The following USP5 variants were observed in gnomAD, a reference collection of about 807,000 sequenced individuals.
USP5 encodes the protein ubiquitin specific peptidase 5, also known as ubiquitin carboxyl-terminal hydrolase 5.
A neutral mutation model predicts 102.5 loss-of-function variants in USP5; 24 were observed. That is an observed-to-expected ratio of 0.23 (90% CI 0.17 to 0.33). The LOEUF is 0.33. Among genes scored for constraint, USP5 ranks in the 10% least tolerant of loss-of-function variants. The pLI, the probability that USP5 is intolerant of heterozygous loss-of-function variation, is 1.00. For synonymous variants in USP5, 460 were observed against 434.8 expected, an observed-to-expected ratio of 1.06 and a Z score of -0.72; for missense variants, 753 against 1,122.1, an observed-to-expected ratio of 0.67 and a Z score of 4.70.
rs1944156404 is a variant in USP5 at position 6,857,611 on chromosome 12, T to C, written c.770-18T>C. 6.2e-7 allele frequency: 1 copy of C among 1,610,670 alleles called. No homozygotes were observed. Among genetic ancestry groups the C allele is most frequent in the African/African-American group, 1.3e-5 (1 of 74,818 alleles). On this transcript the variant is annotated intron_variant, in intron 6 of 19. Transcript: ENST00000229268. ...CCTGAGCCACTTCCCCTGATTCTCT[T>C]CCTGCCTCCTGCTCTAGACGTGTAC...
In USP5 at chr12:6,856,821, T is replaced by C; in HGVS notation, c.699T>C (p.Ala233=). ...YFDGSGGNNH[A]VEHYRETGYP... is the part of the protein sequence containing the mutation. ...ATGGCAGTGGGGGCAACAACCACGCTGTGGAGCACTACCGAGAGACAGGCT... is the reference window on the plus strand; with the variant it reads ...ATGGCAGTGGGGGCAACAACCACGCCGTGGAGCACTACCGAGAGACAGGCT... Residue 233 remains alanine (A), a synonymous_variant, in exon 6 of 20, where the codon GCT becomes GCC. Transcript: ENST00000229268. This position sits in a 1 kb window ranked among gnomAD's most constrained non-coding sequence, Gnocchi z 5.6. 6.2e-7 allele frequency: 1 copy of C among 1,614,134 alleles called. No individual in the cohort carries two copies. Among genetic ancestry groups the C allele is most frequent in the Non-Finnish European group, 8.5e-7 (1 of 1,180,012 alleles).
rs1324255675 is a variant in USP5, at chr12:6,858,890, T to C, written c.1058+273T>C. On this transcript the variant is annotated intron_variant, in intron 8 of 19. Transcript: ENST00000229268. The surrounding 1 kb of genome is among the most constrained non-coding windows in gnomAD (Gnocchi z 4.2). ...AAAAAGAATAATTCCTGTCACACTCTGGCTGACATGCTGTGAGGGGAGCAA... is the reference window on the plus strand; with the variant it reads ...AAAAAGAATAATTCCTGTCACACTCCGGCTGACATGCTGTGAGGGGAGCAA... 8 of 303,596 alleles carry C rather than the reference T, an allele frequency of 2.6e-5. No individual in the cohort carries two copies. The highest frequency in any genetic ancestry group is 5.1e-5 in the Non-Finnish European group (8 of 157,158). The allele number at this position is 303,596 out of a possible 1,614,324, so 18.8% of individuals were successfully genotyped here. A position where few individuals can be genotyped will look rare whatever the true frequency, so the allele number is the denominator to read the frequency against.
rs1944351802 is a variant in USP5, at chr12:6,863,957, A to C, written c.2082A>C (p.Ser694=). 1.3e-6 allele frequency: 2 copies of C among 1,597,710 alleles called. No individual in the cohort carries two copies. Residue 694 remains serine (S), a synonymous_variant, in exon 16 of 20, where the codon TCA becomes TCC. Coordinates refer to ENST00000229268, the MANE Select transcript of USP5 (RefSeq NM_001098536.2). This position sits in a 1 kb window ranked among gnomAD's most constrained non-coding sequence, Gnocchi z 4.7. The part of the protein sequence containing the change: ...GAEAAMNWVM[S]HMDDPDFANP... ...AGGCCGCCATGAACTGGGTCATGTC[A>C]CACATGGATGATCCAGGTAGGCTGG...
chr12:6,864,655 C>T lies in USP5; in HGVS notation c.2245-67C>T, dbSNP rs1200186271. The T allele has an allele frequency of 2.6e-6, 4 of 1,544,074 alleles. No homozygotes were observed. The highest frequency in any genetic ancestry group is 2.7e-5 in the African/African-American group (2 of 74,000). ...AGTGAGCCGAGATCGCGCCACTGCA[C>T]TCCAGCCTGGGCGACAGAGCAAGAC... On this transcript the variant is annotated intron_variant, in intron 17 of 19. Coordinates refer to ENST00000229268, the MANE Select transcript of USP5 (RefSeq NM_001098536.2). The surrounding 1 kb of genome is among the most constrained non-coding windows in gnomAD (Gnocchi z 4.8).
rs1555129218 is a variant in USP5, at chr12:6,860,195, C to T, written c.1175C>T (p.Pro392Leu). 3 of 1,607,990 alleles carry T rather than the reference C, an allele frequency of 1.9e-6. No individual in the cohort carries two copies. The highest frequency in any genetic ancestry group is 2.5e-6 in the Non-Finnish European group (3 of 1,178,346). ...HGLLSGEYSK[P>L]VPESGDGERV... is the part of the protein sequence containing the mutation. Reference sequence around the variant, plus strand: ...CTTCTCTCCGGGGAGTATTCCAAGCCAGTACCGGAGTCGGGCGATGGGGAG... The same window carrying T: ...CTTCTCTCCGGGGAGTATTCCAAGCTAGTACCGGAGTCGGGCGATGGGGAG... Residue 392 changes from proline to leucine, a missense_variant, in exon 10 of 20, where the codon CCA (proline) becomes CTA (leucine). Physicochemically the swap from Pro to Leu is moderately conservative, Grantham distance 98 (BLOSUM62 -3). Around this residue, in one of 3 missense-constraint regions of USP5, gnomAD observed 527 missense variants for 816.5 expected, o/e 0.65. Coordinates refer to ENST00000229268, the MANE Select transcript of USP5 (RefSeq NM_001098536.2). The surrounding 1 kb of genome is among the most constrained non-coding windows in gnomAD (Gnocchi z 5.5).
In USP5 at chr12:6,856,476, G is replaced by A. The variant is rs1555128336; in HGVS notation, c.584+26G>A. On this transcript the variant is annotated intron_variant, in intron 5 of 19. Coordinates refer to ENST00000229268, the MANE Select transcript of USP5 (RefSeq NM_001098536.2). The surrounding 1 kb of genome is among the most constrained non-coding windows in gnomAD (Gnocchi z 5.6). ...GTGAGGCCTGGCCCCTCTGCCTCGGGCACCACCCCCAGAGCAAGGACAAGG... is the reference window on the plus strand; with the variant it reads ...GTGAGGCCTGGCCCCTCTGCCTCGGACACCACCCCCAGAGCAAGGACAAGG... 1.3e-6 allele frequency: 2 copies of A among 1,590,398 alleles called. No homozygotes were observed. The highest frequency in any genetic ancestry group is 1.7e-6 in the Non-Finnish European group (2 of 1,167,300).
chr12:6,866,325 T>TC lies in USP5; in HGVS notation c.*252dup. The TC allele has an allele frequency of 2.1e-6, 1 of 478,116 alleles. No homozygotes were observed. The highest frequency in any genetic ancestry group is 3.8e-6 in the Non-Finnish European group (1 of 262,462). 29.6% of individuals were successfully genotyped at this position (478,116 alleles called of 1,614,324 possible). ...CTGTCTGTAAGGAGACTTTGTTGCT[T>TC]CCCCTGCCCCCGGAATCCACAGTGC... On this transcript the variant is annotated 3_prime_UTR_variant, in exon 20 of 20. Coordinates refer to ENST00000229268, the MANE Select transcript of USP5 (RefSeq NM_001098536.2). This position sits in a 1 kb window ranked among gnomAD's most constrained non-coding sequence, Gnocchi z 4.7.
At position 6,856,319 on chromosome 12, in the gene USP5, G is replaced by A. The variant is rs782031903; in HGVS notation, c.453G>A (p.Val151=). ...DIVRDRVTSA[V]EALLSADSAS... is the part of the protein sequence containing the mutation. ...GCTTCCCCCAGGTGACCAGTGCAGTGGAGGCCCTACTGTCGGCCGACTCAG... is the reference window on the plus strand; with the variant it reads ...GCTTCCCCCAGGTGACCAGTGCAGTAGAGGCCCTACTGTCGGCCGACTCAG... The change falls in exon 5 of 20, where the codon GTG becomes GTA. Residue 151 remains valine, a synonymous_variant. Transcript: ENST00000229268. This position sits in a 1 kb window ranked among gnomAD's most constrained non-coding sequence, Gnocchi z 5.6. 1.9e-5 allele frequency: 31 copies of A among 1,613,272 alleles called. No individual in the cohort carries two copies. In the Admixed American group the frequency reaches 2.8e-4, roughly 15 times the overall value.
chr12:6,862,414 C>G, intron 13 of USP5, 56 bp from the exon 14 acceptor site: 1 of 1,514,198 alleles, frequency 6.6e-7, no homozygotes, highest in African/African-American at 1.4e-5. Context: ...GTGGGAGTTT[C>G]AGGAGAGGAA....
Position 6,856,409 on chromosome 12 carries a change from C to T in USP5, c.543C>T (p.Phe181=). Residue 181 remains phenylalanine, a synonymous_variant, in exon 5 of 20, where the codon TTC becomes TTT. Coordinates refer to ENST00000229268, the MANE Select transcript of USP5 (RefSeq NM_001098536.2). This position sits in a 1 kb window ranked among gnomAD's most constrained non-coding sequence, Gnocchi z 5.6. ...TACGGCAGGTGTCTAAGCATGCCTTCAGCCTCAAGCAGTTGGACAACCCTG... is the reference window on the plus strand; with the variant it reads ...TACGGCAGGTGTCTAAGCATGCCTTTAGCCTCAAGCAGTTGGACAACCCTG... The part of the protein sequence containing the change: ...GEVRQVSKHA[F]SLKQLDNPAR... 1 of 1,613,788 alleles carries T rather than the reference C, an allele frequency of 6.2e-7. No individual in the cohort carries two copies.
At chr12:6,852,402 C>A in intron 1 of USP5, 112 bp downstream of exon 1, 4 of 1,070,768 alleles carry the variant, frequency 3.7e-6, no homozygotes, top group Non-Finnish European at 5.4e-6. Flanking sequence ...CACCATGGGA[C>A]TTGTAGTCTC....
intron 7 of USP5, 65 bp downstream of exon 7, chr12:6,857,788 C>T (rs781827269): frequency 6.6e-7 from 1 of 1,522,162 alleles, no homozygotes; most frequent in Non-Finnish European, 9.1e-7. Flanking sequence ...TCCTCTTTGC[C>T]TGAGGCTGAG....
Position 6,863,393 on chromosome 12 carries a change from T to TCCTG in USP5, c.1954+21_1954+24dup, listed in dbSNP as rs782233822. ...TCTCCGACATGTTAGTGACTCTTCT[T>TCCTG]CCTGCCTGTCTCTCTCCCGTGCTGA... On this transcript the variant is annotated intron_variant, in intron 15 of 19. Coordinates refer to ENST00000229268, the MANE Select transcript of USP5 (RefSeq NM_001098536.2). The surrounding 1 kb of genome is among the most constrained non-coding windows in gnomAD (Gnocchi z 4.7). 6.8e-6 allele frequency: 11 copies of TCCTG among 1,609,594 alleles called. No homozygotes were observed. Among genetic ancestry groups the TCCTG allele is most frequent in the Non-Finnish European group, 8.5e-6 (10 of 1,177,098 alleles).
Position 6,860,912 on chromosome 12 carries a change from C to T in USP5, c.1345-41C>T. 1 of 1,611,174 alleles carries T rather than the reference C, an allele frequency of 6.2e-7. No homozygotes were observed. The highest frequency in any genetic ancestry group is 8.5e-7 in the Non-Finnish European group (1 of 1,178,322). On this transcript the variant is annotated intron_variant, in intron 11 of 19. Coordinates refer to ENST00000229268, the MANE Select transcript of USP5 (RefSeq NM_001098536.2). This position sits in a 1 kb window ranked among gnomAD's most constrained non-coding sequence, Gnocchi z 5.5. ...GAACCTTTCAGGCCCCATTCTGTTC[C>T]CTGGCTGCCCAGACCTCCCTACCCT...
At chr12:6,857,041 T>C in intron 6 of USP5, 150 bp downstream of exon 6, 2 of 1,081,026 alleles carry the variant, frequency 1.9e-6, no homozygotes, top group Non-Finnish European at 2.6e-6. Flanking sequence ...ATCCCAACAC[T>C]TTGGGAGGCC....
chr12:6,857,058 G>A (rs1944137538), intron 6 of USP5, among the ~76,000 whole-genome samples, 167 bp downstream of exon 6: 1 of 152,190 alleles, frequency 6.6e-6, no homozygotes, highest in African/African-American at 2.4e-5. Context: ...GGCCAAGGCA[G>A]GAGAATTGCT....
At position 6,861,884 on chromosome 12, in the gene USP5, C is replaced by T. The variant is rs2138061948; in HGVS notation, c.1673+267C>T. 6.6e-6 allele frequency among the ~76,000 whole-genome samples: 1 copy of T among 152,288 alleles called. No homozygotes were observed. The highest frequency in any genetic ancestry group is 6.5e-5 in the Admixed American group (1 of 15,292). ...TGTAGTGTAGCCTCTCTTCATTGCC[C>T]CTCAGTCATGGCTGAGCACAGGCAC... On this transcript the variant is annotated intron_variant, in intron 13 of 19. Transcript: ENST00000229268. This position sits in a 1 kb window ranked among gnomAD's most constrained non-coding sequence, Gnocchi z 4.9.
In USP5 at chr12:6,861,206, C is replaced by T. The variant is rs1356219686; in HGVS notation, c.1498+100C>T. Reference sequence around the variant, plus strand: ...GGAGCACAGCCCAGGGAATGCCCTGCTTCACCAGCCAAGGTTCCAGTCTGG... The same window carrying T: ...GGAGCACAGCCCAGGGAATGCCCTGTTTCACCAGCCAAGGTTCCAGTCTGG... On this transcript the variant is annotated intron_variant, in intron 12 of 19. Coordinates refer to ENST00000229268, the MANE Select transcript of USP5 (RefSeq NM_001098536.2). The surrounding 1 kb of genome is among the most constrained non-coding windows in gnomAD (Gnocchi z 4.9). The T allele has an allele frequency of 6.5e-7, 1 of 1,536,884 alleles. No homozygotes were observed. Among genetic ancestry groups the T allele is most frequent in the East Asian group, 2.3e-5 (1 of 44,142 alleles).
chr12:6,854,284 AG>A (rs1944043977), intron 1 of USP5, among the ~76,000 whole-genome samples: 1 of 152,028 alleles, frequency 6.6e-6, no homozygotes, highest in African/African-American at 2.4e-5. Flanking sequence ...GAGGCAGAGG[AG>A]AGAGGGTGGT....
Sources: allele counts gnomAD v4.1 joint callset (sites outside exome capture counted in the v4.1 genomes callset), GRCh38; gene constraint gnomAD v4.1.1; regional missense constraint gnomAD v4.1.1; non-coding constraint Gnocchi (gnomAD v3.1); transcripts MANE v1.5; gene names NCBI Gene and HGNC (gene_info 2026-07-23, HGNC 2026-07-21).